The following HERC2 variants were observed in gnomAD, a reference collection of about 807,000 sequenced individuals.
The protein encoded by HERC2 is HECT and RLD domain containing E3 ubiquitin protein ligase 2.
A neutral mutation model predicts 537.7 loss-of-function variants in HERC2; 102 were observed. The ratio of observed to expected loss-of-function variants is 0.19; its 90% CI spans 0.16 to 0.22. The LOEUF is 0.22. HERC2 is among the 10% of genes least tolerant of loss of function. The pLI is 1.00. For missense variants in HERC2, 4,236 were observed against 6,198.2 expected, an observed-to-expected ratio of 0.68 and a Z score of 10.63; for synonymous variants, 2,224 against 2,466.2, an observed-to-expected ratio of 0.90 and a Z score of 2.91.
chr15:28,220,681 C>T (rs376970711), intron 36 of HERC2, 37 bp from the exon 37 acceptor site: 16 of 1,553,932 alleles, frequency 1.0e-5, no homozygotes, highest in Non-Finnish European at 1.2e-5. Flanking sequence ...TAGGAGGGTG[C>T]GTAACCTGCC....
chr15:28,118,615 G>C (rs1888537413), intron 86 of HERC2, among the ~76,000 whole-genome samples: 1 of 152,188 alleles, frequency 6.6e-6, no homozygotes, highest in South Asian at 2.1e-4. Context: ...TGGAGTCTCT[G>C]AAACTATCCA....
At position 28,255,902 on chromosome 15, in the gene HERC2, G is replaced by C; in HGVS notation, c.2841C>G (p.Ala947=). 6.2e-7 allele frequency: 1 copy of C among 1,601,944 alleles called. No individual in the cohort carries two copies. Among genetic ancestry groups the C allele is most frequent in the Non-Finnish European group, 8.5e-7 (1 of 1,179,802 alleles). Residue 947 remains alanine (A), a synonymous_variant, in exon 19 of 93, where the codon GCC becomes GCG. Coordinates refer to ENST00000261609, the MANE Select transcript of HERC2 (RefSeq NM_004667.6). ...SLMADGGLES[A]LHAAITAEIQ... The stretch of plus-strand genomic sequence containing the variant: ...TCTCTGCAGTAATGGCTGCGTGTAA[G>C]GCTGACTCCAACCCTCCATCAGCCA...
intron 2 of HERC2, among the ~76,000 whole-genome samples, chr15:28,300,590 G>C (rs1223281849): frequency 6.6e-6 from 1 of 150,468 alleles, no homozygotes; most frequent in Non-Finnish European, 1.5e-5. Context: ...GGCAGGCCAA[G>C]GCAGGTAAAT....
chr15:28,281,432 C>A (rs1246985118), intron 4 of HERC2, among the ~76,000 whole-genome samples: 5 of 152,166 alleles, frequency 3.3e-5, no homozygotes, highest in African/African-American at 1.2e-4. Flanking sequence ...AGCCTGGAGG[C>A]CAGCAGCCAC....
At chr15:28,255,400 C>T (rs1438831747) in intron 19 of HERC2, among the ~76,000 whole-genome samples, 2 of 152,162 alleles carry the variant, frequency 1.3e-5, no homozygotes, top group African/African-American at 2.4e-5. Context: ...ACAAACAGTA[C>T]TACACCTATA....
chr15:28,291,173 G>A (rs2076300581), intron 4 of HERC2, among the ~76,000 whole-genome samples: 1 of 152,136 alleles, frequency 6.6e-6, no homozygotes, highest in Non-Finnish European at 1.5e-5. Context: ...ACTTTGTCTG[G>A]CCTACTGTGC....
rs939200579 is a variant in HERC2 at position 28,279,270 on chromosome 15, G to A, written c.542+798C>T. Among the ~76,000 whole-genome samples, 5 of 152,102 alleles carry A rather than the reference G, an allele frequency of 3.3e-5. No individual in the cohort carries two copies. The South Asian group carries it at 8.3e-4, about 25-fold the overall frequency. The stretch of plus-strand genomic sequence containing the variant: ...CTCCCAAAGTGCTGGGATTACAGGC[G>A]TGAGCCACCACACCCAGCCCAAAAG... On this transcript the variant is annotated intron_variant, in intron 5 of 92. Coordinates refer to ENST00000261609, the MANE Select transcript of HERC2 (RefSeq NM_004667.6).
intron 55 of HERC2, among the ~76,000 whole-genome samples, chr15:28,190,011 C>CTTTTTT (rs72036273): frequency 3.6e-5 from 5 of 137,808 alleles, no homozygotes; most frequent in African/African-American, 1.4e-4. Context: ...TTCTTTCTTT[C>CTTTTTT]TTTTTTTTTT....
chr15:28,263,648 T>G (rs1051978388), intron 14 of HERC2, among the ~76,000 whole-genome samples: 6 of 152,156 alleles, frequency 3.9e-5, no homozygotes, highest in Non-Finnish European at 7.4e-5. Context: ...CATAAAGGGA[T>G]AAAATGCAAT....
rs2525989 is a variant in HERC2, at chr15:28,229,247, T to A, written c.5220A>T (p.Val1740=). The change falls in exon 34 of 93, where the codon GTA becomes GTT. Residue 1740 remains valine, a synonymous_variant. Transcript: ENST00000261609. ...VTFGKLYAWA[V]QNIRNVLMDA... The stretch of plus-strand genomic sequence containing the variant: ...CCATCAAAACATTTCGAATGTTCTG[T>A]ACAGCCCAAGCGTACAGCTTGCCAA... The A allele has an allele frequency of 1.8e-5, 29 of 1,613,812 alleles. No individual in the cohort carries two copies. The African/African-American group carries it at 2.5e-4, about 14-fold the overall frequency.
intron 69 of HERC2, among the ~76,000 whole-genome samples, chr15:28,156,944 G>A (rs1312434725): frequency 1.3e-5 from 2 of 152,160 alleles, no homozygotes; most frequent in Non-Finnish European, 2.9e-5. Context: ...AATTTGTTGA[G>A]TTTTTAGCAT....
At chr15:28,188,807 C>G (rs1416947390) in intron 55 of HERC2, among the ~76,000 whole-genome samples, 1 of 152,118 alleles carries the variant, frequency 6.6e-6, no homozygotes, top group Non-Finnish European at 1.5e-5. Flanking sequence ...AAAAACCCGG[C>G]TGGGTGCGGT....
In HERC2 at chr15:28,192,162, A is replaced by G. The variant is rs773883069; in HGVS notation, c.8261-11T>C. On this transcript the variant is annotated splice_polypyrimidine_tract_variant and intron_variant, in intron 52 of 92. Coordinates refer to ENST00000261609, the MANE Select transcript of HERC2 (RefSeq NM_004667.6). ...ATACCGCAGACTGACCTATTTCGTG[A>G]TAGTCAAAAAGAGAATTAACCCTTG... is the stretch of plus-strand genomic sequence containing the variant. 3.7e-6 allele frequency: 6 copies of G among 1,605,556 alleles called. No homozygotes were observed. The South Asian group carries it at 6.6e-5, about 18-fold the overall frequency.
At chr15:28,244,731 C>T (rs1385135752) in intron 23 of HERC2, among the ~76,000 whole-genome samples, 7 of 152,094 alleles carry the variant, frequency 4.6e-5, no homozygotes, top group African/African-American at 9.7e-5. Context: ...GAATGGTGCT[C>T]AAAGTATTGA....
At chr15:28,154,508 T>G (rs1250397955) in intron 69 of HERC2, among the ~76,000 whole-genome samples, 2 of 152,158 alleles carry the variant, frequency 1.3e-5, no homozygotes, top group Non-Finnish European at 2.9e-5. Flanking sequence ...CAAGCGCCCA[T>G]GTGCAGAGTC....
intron 35 of HERC2, among the ~76,000 whole-genome samples, chr15:28,224,913 A>G (rs568028449): frequency 2.0e-5 from 3 of 152,380 alleles, no homozygotes; most frequent in African/African-American, 7.2e-5. Flanking sequence ...CAAAGAAGAA[A>G]TCACAAGGGA....
intron 43 of HERC2, among the ~76,000 whole-genome samples, chr15:28,211,764 T>C (rs1899262543): frequency 6.6e-6 from 1 of 152,188 alleles, no homozygotes; most frequent in Admixed American, 6.5e-5. Flanking sequence ...CAACCAGACA[T>C]GTGAATGGGA....
intron 79 of HERC2, among the ~76,000 whole-genome samples, chr15:28,135,101 T>C (rs546625553): frequency 6.6e-6 from 1 of 152,338 alleles, no homozygotes; most frequent in Admixed American, 6.5e-5. Context: ...TTACAAATGG[T>C]GTCAATTGTG....
At chr15:28,150,647 C>G (rs1269195167) in intron 70 of HERC2, among the ~76,000 whole-genome samples, 1 of 147,520 alleles carries the variant, frequency 6.8e-6, no homozygotes, top group Admixed American at 6.8e-5. Context: ...ACACACGGCT[C>G]CTAACCAAGA....
Sources: allele counts gnomAD v4.1 joint callset (sites outside exome capture counted in the v4.1 genomes callset), GRCh38; gene constraint gnomAD v4.1.1; transcripts MANE v1.5; gene names NCBI Gene and HGNC (gene_info 2026-07-23, HGNC 2026-07-21).